Variants in BMPER observed in about 807,000 individuals in gnomAD.
BMPER encodes BMP binding endothelial regulator, also known as BMP-binding endothelial regulator protein.
Under a neutral mutation model 87.3 loss-of-function variants are expected in BMPER, and 45 were observed. The ratio of observed to expected loss-of-function variants is 0.52; its 90% confidence interval spans 0.41 to 0.66. The LOEUF (loss-of-function observed/expected upper bound fraction) is 0.66, where lower values mean the gene tolerates loss of function less well. BMPER is among the 30% of genes least tolerant of loss of function. BMPER has a pLI of 0.00. For missense variants in BMPER, 784 were observed against 867.5 expected, an observed-to-expected ratio of 0.90 and a Z score of 1.21; for synonymous variants, 326 against 316.2, an observed-to-expected ratio of 1.03 and a Z score of -0.33.
chr7:34,146,102 G>A (rs1426129323), intron 14 of BMPER, among the ~76,000 whole-genome samples: 2 of 151,866 alleles, frequency 1.3e-5, no homozygotes, highest in African/African-American at 4.8e-5. Flanking sequence ...ACTGACAGTT[G>A]GTACATGAAG....
At chr7:34,094,532 C>T (rs1300011949) in intron 13 of BMPER, among the ~76,000 whole-genome samples, 2 of 152,192 alleles carry the variant, frequency 1.3e-5, no homozygotes, top group East Asian at 1.9e-4. Flanking sequence ...GTTTGAAGGC[C>T]GCCATGACTG....
At position 34,016,009 on chromosome 7, in the gene BMPER, T is replaced by TGA. The variant is rs369910321; in HGVS notation, c.577-30278_577-30277dup. Among the ~76,000 whole-genome samples the TGA allele has an allele frequency of 7.8e-3, 1,110 of 142,724 alleles. 11 individuals carry two copies. Among genetic ancestry groups the TGA allele is most frequent in the African/African-American group, 0.025 (986 of 39,082 alleles). The allele number at this position is 142,724 out of a possible 152,430, so 93.6% of individuals were successfully genotyped here. A position where few individuals can be genotyped will look rare whatever the true frequency, so the allele number is the denominator to read the frequency against. On this transcript the variant is annotated intron_variant, in intron 6 of 14. Coordinates refer to ENST00000649409, the MANE Select transcript of BMPER (RefSeq NM_001365308.1). ...AAGAGAGAGAGAGGAAGAGAGAGAG[T>TGA]GAGAGAGAGAGAGAGAGAGACTGAG...
At chr7:34,144,271 T>A (rs2127994972) in intron 14 of BMPER, among the ~76,000 whole-genome samples, 1 of 151,866 alleles carries the variant, frequency 6.6e-6, no homozygotes, top group East Asian at 1.9e-4. Flanking sequence ...GGTTTGAGCC[T>A]GAGGTGGGCT....
chr7:33,963,250 A>T lies in BMPER; in HGVS notation c.320-3229A>T, dbSNP rs182469329. On this transcript the variant is annotated intron_variant, in intron 3 of 14. Coordinates refer to ENST00000649409, the MANE Select transcript of BMPER (RefSeq NM_001365308.1). ...ATTGAGTTGTTCCTCCTGCTCCCAT[A>T]ATATACCTCTCAATGCAATTAAACC... 3.3e-3 allele frequency among the ~76,000 whole-genome samples: 495 copies of T among 152,282 alleles called. 9 individuals are homozygous for T. Among genetic ancestry groups the T allele is most frequent in the Non-Finnish European group, 3.9e-3 (265 of 68,014 alleles).
At chr7:34,046,280 T>G (rs1787962160) in intron 6 of BMPER, 26 bp from the exon 7 acceptor site, 3 of 1,600,304 alleles carry the variant, frequency 1.9e-6, no homozygotes, top group African/African-American at 1.3e-5. Context: ...TTTCTAAATA[T>G]GCTTTTTTTT....
intron 14 of BMPER, among the ~76,000 whole-genome samples, chr7:34,145,510 C>A (rs1433526876): frequency 2.6e-5 from 4 of 152,164 alleles, no homozygotes; most frequent in Non-Finnish European, 5.9e-5. Flanking sequence ...CCACCTCTAA[C>A]CTAATGCATC....
chr7:33,924,710 C>T (rs539966842), intron 2 of BMPER, among the ~76,000 whole-genome samples: 29 of 152,272 alleles, frequency 1.9e-4, no homozygotes, highest in South Asian at 8.3e-4. Flanking sequence ...CTCTGTCGCC[C>T]GGGCTGGAGT....
chr7:33,937,229 A>G (rs1442559488), intron 2 of BMPER, 60 bp from the exon 3 acceptor site: 27 of 1,550,752 alleles, frequency 1.7e-5, no homozygotes, highest in Admixed American at 3.3e-5. Flanking sequence ...GTGGTGTGTT[A>G]GGATTTGGGG....
At chr7:34,084,627 C>T (rs934027154) in intron 12 of BMPER, among the ~76,000 whole-genome samples, 1 of 152,210 alleles carries the variant, frequency 6.6e-6, no homozygotes, top group Non-Finnish European at 1.5e-5. Context: ...TTGGGTTGAA[C>T]CTCAGAAGAC....
intron 5 of BMPER, among the ~76,000 whole-genome samples, chr7:33,973,565 G>A (rs527757023): frequency 5.3e-5 from 8 of 152,242 alleles, no homozygotes; most frequent in Non-Finnish European, 1.0e-4. Flanking sequence ...GGCCAGATCA[G>A]GTGGATGTAA....
rs368278714 is a variant in BMPER, at chr7:34,094,066, T to G, written c.1745+7974T>G. Among the ~76,000 whole-genome samples the G allele has an allele frequency of 3.3e-5, 5 of 152,168 alleles. No homozygotes were observed. The East Asian group carries it at 9.7e-4, about 29-fold the overall frequency. ...AGGCACACCTGGTCTGGGGGCTCCATCAGAGAACAGTCAGAGTGTACACAC... is the reference window on the plus strand; with the variant it reads ...AGGCACACCTGGTCTGGGGGCTCCAGCAGAGAACAGTCAGAGTGTACACAC... On this transcript the variant is annotated intron_variant, in intron 13 of 14. Coordinates refer to ENST00000649409, the MANE Select transcript of BMPER (RefSeq NM_001365308.1).
At chr7:34,125,426 A>G (rs920004186) in intron 13 of BMPER, among the ~76,000 whole-genome samples, 3 of 152,044 alleles carry the variant, frequency 2.0e-5, no homozygotes, top group Admixed American at 6.5e-5. Flanking sequence ...GTATTTTCAT[A>G]TCTTCATTGT....
At position 34,076,959 on chromosome 7, in the gene BMPER, T is replaced by A. The variant is rs546775315; in HGVS notation, c.1079-1898T>A. ...CGTTGGTTGGTCTGGGAAGTCTTGC[T>A]GAGAAGGTGGAGTTAAGGACCTGGA... is the stretch of plus-strand genomic sequence containing the variant. On this transcript the variant is annotated intron_variant, in intron 11 of 14. Transcript: ENST00000649409. Among the ~76,000 whole-genome samples, 19 of 152,286 alleles carry A rather than the reference T, an allele frequency of 1.2e-4. No individual in the cohort carries two copies. The Middle Eastern group carries it at 0.014, about 109-fold the overall frequency.
chr7:33,914,123 C>T (rs369137322), intron 2 of BMPER, among the ~76,000 whole-genome samples: 192 of 151,594 alleles, frequency 1.3e-3, no homozygotes, highest in African/African-American at 4.6e-3. Context: ...CCACTATGCC[C>T]GGCTAATTTT....
chr7:34,051,720 C>A, intron 7 of BMPER, 141 bp from the exon 8 acceptor site: 1 of 745,206 alleles, frequency 1.3e-6, no homozygotes, highest in Non-Finnish European at 2.4e-6. Flanking sequence ...TTAGGCATGT[C>A]TGACCCAAGA....
chr7:33,990,504 G>A lies in BMPER; in HGVS notation c.576+15720G>A, dbSNP rs1786175760. 4.7e-5 allele frequency among the ~76,000 whole-genome samples: 7 copies of A among 147,992 alleles called. No homozygotes were observed. The South Asian group carries it at 1.5e-3, about 32-fold the overall frequency. On this transcript the variant is annotated intron_variant, in intron 6 of 14. Coordinates refer to ENST00000649409, the MANE Select transcript of BMPER (RefSeq NM_001365308.1). Reference sequence around the variant, plus strand: ...TTGCTGAAGTTGCTTATCAGCTTAAGGAGATTTTGGGCTGAGACAATGGGG... The same window carrying A: ...TTGCTGAAGTTGCTTATCAGCTTAAAGAGATTTTGGGCTGAGACAATGGGG...
At chr7:33,939,946 A>C (rs1195761511) in intron 3 of BMPER, 1 of 304,378 alleles carries the variant, frequency 3.3e-6, no homozygotes. Flanking sequence ...CTACCTCGTA[A>C]TACAGTGCTT....
intron 2 of BMPER, among the ~76,000 whole-genome samples, chr7:33,912,900 C>A (rs1783996812): frequency 6.6e-6 from 1 of 152,228 alleles, no homozygotes; most frequent in African/African-American, 2.4e-5. Flanking sequence ...TTTCTTCCTT[C>A]TTTCCACACT....
chr7:34,075,127 A>G (rs1037488436), intron 11 of BMPER, among the ~76,000 whole-genome samples: 3 of 152,188 alleles, frequency 2.0e-5, no homozygotes, highest in Non-Finnish European at 4.4e-5. Flanking sequence ...TATATCCATG[A>G]CATAAATAAA....
Sources: gnomAD v4.1 joint callset for allele counts (sites outside exome capture counted in the v4.1 genomes callset) on GRCh38, gnomAD v4.1.1 for gene constraint, MANE v1.5 for transcripts, NCBI Gene and HGNC (gene_info 2026-07-23, HGNC 2026-07-21) for gene names.